AKR1A1: variants seen among roughly 807,000 people sequenced by gnomAD.
The protein encoded by AKR1A1 is aldo-keto reductase family 1 member A1.
A neutral mutation model predicts 39.2 loss-of-function variants in AKR1A1; 26 were observed. The ratio of observed to expected loss-of-function variants is 0.66; its 90% CI spans 0.49 to 0.92. The LOEUF is 0.92. Ranked by LOEUF, AKR1A1 falls within the 40% of genes least tolerant of loss-of-function variation. The pLI, the probability that AKR1A1 is intolerant of heterozygous loss-of-function variation, is 0.00. For synonymous variants in AKR1A1, 141 were observed against 155.5 expected, an observed-to-expected ratio of 0.91 and a Z score of 0.69; for missense variants, 378 against 406.5, an observed-to-expected ratio of 0.93 and a Z score of 0.60.
intron 2 of AKR1A1, among the ~76,000 whole-genome samples, chr1:45,562,606 T>G (rs1020432619): frequency 2.6e-5 from 4 of 151,448 alleles, no homozygotes; most frequent in African/African-American, 9.7e-5. Context: ...GCCTCATGGG[T>G]TCAAGTGATT....
chr1:45,557,459 A>G (rs896786074), intron 1 of AKR1A1, among the ~76,000 whole-genome samples: 1 of 152,132 alleles, frequency 6.6e-6, no homozygotes, highest in Admixed American at 6.6e-5. Flanking sequence ...CTGTTCCCCA[A>G]GCCTCAGCCT....
intron 2 of AKR1A1, among the ~76,000 whole-genome samples, chr1:45,562,145 C>G (rs1056035772): frequency 6.6e-6 from 1 of 152,058 alleles, no homozygotes; most frequent in African/African-American, 2.4e-5. Flanking sequence ...GTGCCCATCC[C>G]TATGCTATGA....
intron 2 of AKR1A1, among the ~76,000 whole-genome samples, chr1:45,565,399 G>A (rs1221452778): frequency 2.0e-5 from 3 of 151,850 alleles, no homozygotes; most frequent in Non-Finnish European, 4.4e-5. Context: ...CAAAGTGCTG[G>A]GATTACAGGT....
At position 45,566,585 on chromosome 1, in the gene AKR1A1, A is replaced by C; in HGVS notation, c.101A>C (p.Lys34Thr). ...SEPGQVKAAV[K>T]YALSVGYRHI... ...ACCTGGCAGGTAAAAGCAGCTGTTA[A>C]GTATGCCCTTAGCGTAGGCTACCGC... is the stretch of plus-strand genomic sequence containing the variant. Residue 34 changes from lysine to threonine, a missense_variant, in exon 3 of 9, where the codon AAG (lysine) becomes ACG (threonine). By Grantham distance (78) the Lys-to-Thr change is moderately conservative. Coordinates refer to ENST00000351829, the MANE Select transcript of AKR1A1 (RefSeq NM_153326.3). 6.2e-7 allele frequency: 1 copy of C among 1,614,254 alleles called. No homozygotes were observed. The highest frequency in any genetic ancestry group is 1.1e-5 in the South Asian group (1 of 91,084).
chr1:45,564,149 T>C (rs1196679962), intron 2 of AKR1A1, among the ~76,000 whole-genome samples: 1 of 152,184 alleles, frequency 6.6e-6, no homozygotes, highest in African/African-American at 2.4e-5. Context: ...CTTTTCCCTT[T>C]TGCTTTCTTT....
At chr1:45,567,538 C>CTT (rs1264426497) in intron 4 of AKR1A1, 1 of 158,638 alleles carries the variant, frequency 6.3e-6, no homozygotes, top group Non-Finnish European at 1.4e-5. Flanking sequence ...AAAAGCATGG[C>CTT]TTTTTTTGGC....
intron 4 of AKR1A1, 68 bp downstream of exon 4, chr1:45,567,088 T>C (rs749217761): frequency 3.8e-6 from 6 of 1,570,462 alleles, no homozygotes; most frequent in Non-Finnish European, 4.3e-6. Context: ...TAACTTATTG[T>C]AAGTCACAGC....
intron 2 of AKR1A1, among the ~76,000 whole-genome samples, 166 bp from the exon 3 acceptor site, chr1:45,566,403 C>T (rs1644343919): frequency 6.6e-6 from 1 of 152,142 alleles, no homozygotes; most frequent in African/African-American, 2.4e-5. Flanking sequence ...GCTGGGATTA[C>T]AGGCGTGAGC....
chr1:45,556,722 C>CA (rs1644209838), intron 1 of AKR1A1, among the ~76,000 whole-genome samples: 1 of 147,944 alleles, frequency 6.8e-6, no homozygotes, highest in African/African-American at 2.5e-5. Context: ...ACTAAAAATA[C>CA]AAAAATTAGC....
intron 1 of AKR1A1, among the ~76,000 whole-genome samples, chr1:45,560,361 C>T (rs1453813286): frequency 6.6e-6 from 1 of 152,086 alleles, no homozygotes; most frequent in Non-Finnish European, 1.5e-5. Context: ...ACCTGTAATC[C>T]CAGCAACTCA....
chr1:45,561,759 A>C, intron 1 of AKR1A1, 30 bp from the exon 2 acceptor site: 6 of 1,608,694 alleles, frequency 3.7e-6, no homozygotes, highest in South Asian at 1.1e-5. Flanking sequence ...CACTAACCCC[A>C]ACACCATTCT....
intron 7 of AKR1A1, 35 bp downstream of exon 7, chr1:45,569,034 T>C (rs374266517): frequency 8.8e-5 from 142 of 1,611,356 alleles, no homozygotes; most frequent in Non-Finnish European, 1.2e-4. Context: ...CTTTAGCTCT[T>C]TGGGACATTT....
chr1:45,559,346 A>C (rs1400278886), intron 1 of AKR1A1, among the ~76,000 whole-genome samples: 1 of 152,202 alleles, frequency 6.6e-6, no homozygotes, highest in Non-Finnish European at 1.5e-5. Flanking sequence ...GGGAGGCTCC[A>C]GTTACCTGCT....
intron 2 of AKR1A1, among the ~76,000 whole-genome samples, chr1:45,564,878 A>C (rs1222442030): frequency 1.3e-5 from 2 of 151,790 alleles, no homozygotes; most frequent in African/African-American, 2.4e-5. Flanking sequence ...GCTGGAGTGC[A>C]GTGGCGCAAT....
chr1:45,569,360 T>C (rs1328020893), intron 8 of AKR1A1, 131 bp downstream of exon 8: 5 of 742,064 alleles, frequency 6.7e-6, no homozygotes, highest in Admixed American at 4.5e-5. Context: ...ATGCTGGACA[T>C]AGTGCCCTCA....
chr1:45,558,658 A>G (rs569609647), intron 1 of AKR1A1, among the ~76,000 whole-genome samples: 1 of 152,210 alleles, frequency 6.6e-6, no homozygotes, highest in East Asian at 1.9e-4. Context: ...TCGGCCTCCC[A>G]AAGTGCTGGG....
intron 2 of AKR1A1, among the ~76,000 whole-genome samples, chr1:45,562,912 G>A (rs1644296394): frequency 6.6e-6 from 1 of 152,040 alleles, no homozygotes; most frequent in East Asian, 1.9e-4. Context: ...TTGAGCCCAG[G>A]AATTTGAGAC....
Position 45,558,395 on chromosome 1 carries a change from ATTT to A in AKR1A1, c.-6-3375_-6-3373del, listed in dbSNP as rs35421063. On this transcript the variant is annotated intron_variant, in intron 1 of 8. Coordinates refer to ENST00000351829, the MANE Select transcript of AKR1A1 (RefSeq NM_153326.3). ...AGGCATGTGCCACCACGCCCAGCTA[ATTT>A]TTTTTTTTTTTTTTTTTTGAGATGG... 6.7e-5 allele frequency among the ~76,000 whole-genome samples: 8 copies of A among 119,090 alleles called. No homozygotes were observed. The East Asian group carries it at 7.7e-4, about 11-fold the overall frequency. 78.1% of individuals were successfully genotyped at this position (119,090 alleles called of 152,430 possible).
intron 4 of AKR1A1, 80 bp downstream of exon 4, chr1:45,567,100 G>C: frequency 6.5e-7 from 1 of 1,550,032 alleles, no homozygotes; most frequent in Non-Finnish European, 8.7e-7. Context: ...AGTCACAGCA[G>C]CAGAGCAGGA....
Sources: allele counts gnomAD v4.1 joint callset (sites outside exome capture counted in the v4.1 genomes callset), GRCh38; gene constraint gnomAD v4.1.1; transcripts MANE v1.5; gene names NCBI Gene and HGNC (gene_info 2026-07-23, HGNC 2026-07-21).